The following DDX3X variants were observed in gnomAD, a reference collection of about 807,000 sequenced individuals.
DDX3X encodes the protein ATP-dependent RNA helicase DDX3X.
DDX3X carries 4 observed loss-of-function variants against 52.7 expected under a neutral mutation model. That is an observed-to-expected ratio of 0.08 (90% CI 0.04 to 0.17). DDX3X has a LOEUF of 0.17. Among genes scored for constraint, DDX3X ranks in the 10% least tolerant of loss-of-function variants. The pLI is 1.00. For synonymous variants in DDX3X, 192 were observed against 178.1 expected, an observed-to-expected ratio of 1.08 and a Z score of -0.62; for missense variants, 222 against 548.6, an observed-to-expected ratio of 0.40 and a Z score of 5.95.
intron 8 of DDX3X, 59 bp downstream of exon 8, chrX:41,343,881 G>A: frequency 1.9e-6 from 2 of 1,057,772 alleles, no homozygotes; most frequent in South Asian, 2.0e-5. Context: ...CATTGAGAGG[G>A]CTTTCTAAAT....
Position 41,340,429 on chromosome X carries a change from G to C in DDX3X, c.152-1055G>C, listed in dbSNP as rs371247743. On this transcript the variant is annotated intron_variant, in intron 3 of 16. Transcript: ENST00000644876. ...GCCTAACGGTAGGAGGTAGAAGGCAGAAGGAAAGTAACTGAATTGAGAAGC... is the reference window on the plus strand; with the variant it reads ...GCCTAACGGTAGGAGGTAGAAGGCACAAGGAAAGTAACTGAATTGAGAAGC... 3.0e-4 allele frequency: 38 copies of C among 127,168 alleles called. No homozygotes were observed. The South Asian group carries it at 0.01, about 34-fold the overall frequency. 10.5% of individuals were successfully genotyped at this position (127,168 alleles called of 1,213,427 possible).
chrX:41,334,896 A>C, intron 1 of DDX3X: 1 of 376,398 alleles, frequency 2.7e-6, no homozygotes, highest in Non-Finnish European at 3.7e-6. Flanking sequence ...CGGGCGGGCG[A>C]AGGCCTGGAA....
At chrX:41,343,405 C>G in intron 7 of DDX3X, 54 bp downstream of exon 7, 1 of 1,091,168 alleles carries the variant, frequency 9.2e-7, no homozygotes, top group African/African-American at 1.9e-5. Flanking sequence ...AAGGACTAGA[C>G]AATAAAATAT....
intron 5 of DDX3X, chrX:41,357,955 C>A (rs1025318813): frequency 1.4e-5 from 4 of 292,294 alleles, no homozygotes; most frequent in Non-Finnish European, 2.4e-5. Flanking sequence ...TGAGACCGAC[C>A]AACCCTCCTG....
chrX:41,356,849 T>C (rs1417172651), intron 5 of DDX3X, among the ~76,000 whole-genome samples: 1 of 110,201 alleles, frequency 9.1e-6, no homozygotes, highest in East Asian at 2.8e-4. Flanking sequence ...CTTTTGTGAA[T>C]CTATTTCTAG....
downstream of DDX3X, among the ~76,000 whole-genome samples, chrX:41,352,130 A>G (rs2063990916): frequency 9.0e-6 from 1 of 111,684 alleles, no homozygotes; most frequent in South Asian, 3.8e-4. Flanking sequence ...AAATATATAC[A>G]TAAAATGAGA....
chrX:41,346,981 T>C lies in DDX3X; in HGVS notation c.1738T>C (p.Tyr580His), dbSNP rs1602137066. 1.7e-6 allele frequency: 2 copies of C among 1,208,491 alleles called. No homozygotes were observed. Among genetic ancestry groups the C allele is most frequent in the South Asian group, 3.5e-5 (2 of 56,680 alleles). Residue 580 changes from tyrosine (Y) to histidine (H), a missense_variant, in exon 15 of 17, where the codon TAC (tyrosine) becomes CAC (histidine). This residue lies in a region of DDX3X where 18 missense variants were observed against 45.3 expected (regional missense o/e 0.40). Transcript: ENST00000644876. ...AGAAAACATGGCTTATGAACACCACTACAAGGGTAGCAGTCGTGGACGTTC... is the reference window on the plus strand; with the variant it reads ...AGAAAACATGGCTTATGAACACCACCACAAGGGTAGCAGTCGTGGACGTTC... ...WLENMAYEHH[Y>H]KGSSRGRSKS...
intron 6 of DDX3X, 171 bp downstream of exon 6, chrX:41,343,007 T>C: frequency 1.7e-6 from 1 of 578,210 alleles, no homozygotes; most frequent in Non-Finnish European, 2.7e-6. Flanking sequence ...TTACCTAAAA[T>C]AGAAAATGGG....
At chrX:41,338,225 TAAAAC>T (rs1193672084) in intron 2 of DDX3X, 1 of 111,126 alleles carries the variant, frequency 9.0e-6, no homozygotes, top group African/African-American at 3.3e-5. Flanking sequence ...TCCTACTTAT[TAAAAC>T]AAAAGTGAGT....
intron 4 of DDX3X, chrX:41,342,176 A>T (rs1300750046): frequency 1.0e-5 from 2 of 200,663 alleles, no homozygotes; most frequent in African/African-American, 5.9e-5. Context: ...ACCATTAAAT[A>T]TATTTGGATG....
Position 41,347,381 on chromosome X carries a change from C to CAGCAGCAGCCGCGCA in DDX3X, c.1852_1866dup (p.Ala618_Arg622dup), listed in dbSNP as rs942326584. 5 of 1,211,704 alleles carry CAGCAGCAGCCGCGCA rather than the reference C, an allele frequency of 4.1e-6. No individual in the cohort carries two copies. The highest frequency in any genetic ancestry group is 3.0e-5 in the East Asian group (1 of 33,849). ...GTAGCGGTGCCAGCAGTTCCAGCTTCAGCAGCAGCCGCGCAAGCAGCAGCC... is the reference window on the plus strand; with the variant it reads ...GTAGCGGTGCCAGCAGTTCCAGCTTCAGCAGCAGCCGCGCAAGCAGCAGCCGCGCAAGCAGCAGCC... On this transcript the variant is annotated inframe_insertion, in exon 16 of 17. Transcript: ENST00000644876.
At chrX:41,338,471 A>G (rs868604870) in intron 2 of DDX3X, 37 of 111,830 alleles carry the variant, frequency 3.3e-4, no homozygotes, top group Middle Eastern at 4.6e-3. Context: ...TTTTTTGCTT[A>G]TCCATATTCT....
In DDX3X at chrX:41,348,725, A is replaced by AG. The variant is rs1275726222; in HGVS notation, c.*1009dup. ...CTAGTGTTGATGTTTTTTGGTCAAG[A>AG]GGGTATGAACAGGAAGAATTAAATG... On this transcript the variant is annotated 3_prime_UTR_variant, in exon 17 of 17. Coordinates refer to ENST00000644876, the MANE Select transcript of DDX3X (RefSeq NM_001356.5). The AG allele has an allele frequency of 8.9e-6, 1 of 112,278 alleles. No homozygotes were observed. The highest frequency in any genetic ancestry group is 1.9e-5 in the Non-Finnish European group (1 of 53,206). The allele number at this position is 112,278 out of a possible 1,213,427, so 9.3% of individuals were successfully genotyped here.
At chrX:41,343,589 G>C (rs895146125) in intron 7 of DDX3X, 148 bp from the exon 8 acceptor site, 3 of 556,510 alleles carry the variant, frequency 5.4e-6, no homozygotes. Context: ...ACTCCTCTTA[G>C]AGGTGGAGCA....
chrX:41,342,490 T>C lies in DDX3X; in HGVS notation c.285-5T>C. The C allele has an allele frequency of 8.3e-7, 1 of 1,211,145 alleles. No individual in the cohort carries two copies. The highest frequency in any genetic ancestry group is 2.3e-4 in the Middle Eastern group (1 of 4,350). The stretch of plus-strand genomic sequence containing the variant: ...TGATTCTGATTAATTGCTTGTGCTG[T>C]TCAGGTTTGATGATCGTGGACGGAG... On this transcript the variant is annotated splice_polypyrimidine_tract_variant and splice_region_variant and intron_variant, in intron 4 of 16. Transcript: ENST00000644876.
chrX:41,357,005 C>G (rs2147371349), intron 5 of DDX3X, among the ~76,000 whole-genome samples: 1 of 98,280 alleles, frequency 1.0e-5, no homozygotes, highest in South Asian at 4.9e-4. Flanking sequence ...ATGATCTCAG[C>G]TCACTGCAAC....
Position 41,360,339 on chromosome X carries a change from T to A in DDX3X, c.655-3935T>A, listed in dbSNP as rs768838707. ...GTTGCGGTGAGCTGAGACCATGCCA[T>A]TGTATTCCAGCCTGGGCGGCAGAGT... On this transcript the variant is annotated intron_variant, in intron 5 of 5. Transcript: ENST00000616050. 2.8e-5 allele frequency among the ~76,000 whole-genome samples: 3 copies of A among 107,100 alleles called. No homozygotes were observed. In the Admixed American group the frequency reaches 3.0e-4, roughly 11 times the overall value. The allele number at this position is 107,100 out of a possible 115,157, so 93.0% of individuals were successfully genotyped here. A position where few individuals can be genotyped will look rare whatever the true frequency, so the allele number is the denominator to read the frequency against.
chrX:41,341,696 T>G, intron 4 of DDX3X, 80 bp downstream of exon 4: 1 of 949,982 alleles, frequency 1.1e-6, no homozygotes, highest in Non-Finnish European at 1.5e-6. Flanking sequence ...TGTTTGGATG[T>G]TAAGCATTAT....
In DDX3X at chrX:41,343,512, T is replaced by C. The variant is rs746419382; in HGVS notation, c.679+161T>C. The C allele has an allele frequency of 1.1e-4, 59 of 542,253 alleles. No homozygotes were observed. The Middle Eastern group carries it at 1.5e-3, about 14-fold the overall frequency. The allele number at this position is 542,253 out of a possible 1,213,427, so 44.7% of individuals were successfully genotyped here. A position where few individuals can be genotyped will look rare whatever the true frequency, so the allele number is the denominator to read the frequency against. On this transcript the variant is annotated intron_variant, in intron 7 of 16. Transcript: ENST00000644876. ...TGATACATAAATTATTGGTTACGGC[T>C]GTATTCCGTAAGAGCTTTATTTATA...
Sources: allele counts gnomAD v4.1 joint callset (sites outside exome capture counted in the v4.1 genomes callset), GRCh38; gene constraint gnomAD v4.1.1; regional missense constraint gnomAD v4.1.1; transcripts MANE v1.5; gene names NCBI Gene and HGNC (gene_info 2026-07-23, HGNC 2026-07-21).